The following ADAMTS2 variants were observed in gnomAD, a reference collection of about 807,000 sequenced individuals.
ADAMTS2 encodes the protein A disintegrin and metalloproteinase with thrombospondin motifs 2.
In ADAMTS2, 50 loss-of-function variants were observed where a neutral mutation model predicts 123.0. That is an observed-to-expected ratio of 0.41 (90% CI 0.32 to 0.51). The LOEUF (loss-of-function observed/expected upper bound fraction) is 0.51, where lower values mean the gene tolerates loss of function less well. ADAMTS2 is among the 20% of genes least tolerant of loss of function. The pLI is 0.35. For synonymous variants in ADAMTS2, 678 were observed against 695.4 expected (o/e 0.98, Z 0.39); for missense variants, 1,494 against 1,705.2 (o/e 0.88, Z 2.18).
rs2113512254 is a variant in ADAMTS2 at position 179,272,546 on chromosome 5, C to A, written c.688+365G>T. 6.6e-6 allele frequency among the ~76,000 whole-genome samples: 1 copy of A among 152,322 alleles called. No individual in the cohort carries two copies. The highest frequency in any genetic ancestry group is 1.9e-4 in the East Asian group (1 of 5,172). ...ACAGGCACAGACTCAGAGACGCAGG[C>A]ACTGGACTCAGGCCTGGCCGGGGGC... On this transcript the variant is annotated intron_variant, in intron 3 of 21. Transcript: ENST00000251582. This position sits in a 1 kb window ranked among gnomAD's most constrained non-coding sequence, Gnocchi z 5.8.
At chr5:179,258,162 T>C (rs1453771541) in intron 3 of ADAMTS2, among the ~76,000 whole-genome samples, 1 of 152,180 alleles carries the variant, frequency 6.6e-6, no homozygotes, top group Non-Finnish European at 1.5e-5. Flanking sequence ...TCCAGAGCCC[T>C]CTGCACACGC....
At chr5:179,329,376 C>T (rs1757421487) in intron 2 of ADAMTS2, among the ~76,000 whole-genome samples, 1 of 147,434 alleles carries the variant, frequency 6.8e-6, no homozygotes, top group South Asian at 2.1e-4. Flanking sequence ...AGAAATAAAC[C>T]CCATATCCTC....
rs1431543038 is a variant in ADAMTS2, at chr5:179,170,790, C to T, written c.975+10282G>A. Among the ~76,000 whole-genome samples the T allele has an allele frequency of 6.6e-6, 1 of 152,218 alleles. No individual in the cohort carries two copies. The highest frequency in any genetic ancestry group is 2.4e-5 in the African/African-American group (1 of 41,462). On this transcript the variant is annotated intron_variant, in intron 5 of 21. Transcript: ENST00000251582. This position sits in a 1 kb window ranked among gnomAD's most constrained non-coding sequence, Gnocchi z 4.3. ...TGCCTGGACACAGGGCTCCTCTCCC[C>T]TCCTCGTTCATGCACCTCCCTGGGA...
At chr5:179,324,066 T>C (rs1177348872) in intron 2 of ADAMTS2, among the ~76,000 whole-genome samples, 1 of 152,230 alleles carries the variant, frequency 6.6e-6, no homozygotes, top group Non-Finnish European at 1.5e-5. Context: ...GTGTGATTCA[T>C]TTATACTAAT....
At chr5:179,289,164 G>C (rs1437041243) in intron 2 of ADAMTS2, among the ~76,000 whole-genome samples, 1 of 152,094 alleles carries the variant, frequency 6.6e-6, no homozygotes, top group Non-Finnish European at 1.5e-5. Context: ...GAGACGGCCT[G>C]TCCCACCGCC....
intron 20 of ADAMTS2, 121 bp from the exon 21 acceptor site, chr5:179,121,871 C>T (rs1002158756): frequency 8.0e-6 from 5 of 624,722 alleles, no homozygotes; most frequent in Non-Finnish European, 1.3e-5. Flanking sequence ...CTCGCCTCCC[C>T]GGGCGGACAA....
chr5:179,208,129 G>T (rs1158936002), intron 3 of ADAMTS2, among the ~76,000 whole-genome samples: 2 of 125,288 alleles, frequency 1.6e-5, no homozygotes, highest in Non-Finnish European at 1.9e-5. Context: ...CCTGACGCTG[G>T]AGTGGGCAGA....
intron 3 of ADAMTS2, 91 bp from the exon 4 acceptor site, chr5:179,207,806 A>C: frequency 8.9e-7 from 1 of 1,121,534 alleles, no homozygotes; most frequent in South Asian, 1.3e-5. Flanking sequence ...TCTCATTTAA[A>C]ACTCATAGCA....
intron 2 of ADAMTS2, among the ~76,000 whole-genome samples, chr5:179,274,892 G>A (rs561038273): frequency 4.6e-5 from 7 of 152,344 alleles, no homozygotes; most frequent in South Asian, 2.1e-4. Flanking sequence ...GGATGCCTCC[G>A]GCAGGAGGTG....
At chr5:179,300,821 G>GT (rs1756494883) in intron 2 of ADAMTS2, among the ~76,000 whole-genome samples, 2 of 152,338 alleles carry the variant, frequency 1.3e-5, no homozygotes, top group East Asian at 3.9e-4. Context: ...ACTTAATTCA[G>GT]TAACAGTCTG....
chr5:179,138,010 T>G, intron 11 of ADAMTS2, 66 bp from the exon 12 acceptor site: 1 of 1,518,040 alleles, frequency 6.6e-7, no homozygotes, highest in Admixed American at 2.0e-5. Context: ...CGGGTGCCCT[T>G]GTGAGATCTT....
intron 3 of ADAMTS2, among the ~76,000 whole-genome samples, chr5:179,266,569 A>G (rs1419118610): frequency 2.0e-5 from 3 of 152,268 alleles, no homozygotes; most frequent in Non-Finnish European, 2.9e-5. Context: ...CTAAAATCCT[A>G]TTTCAGAGTT....
rs555318624 is a variant in ADAMTS2 at position 179,164,612 on chromosome 5, C to T, written c.976-5733G>A. ...GTCCGCAGTGCAGGAAACATGGTCA[C>T]GGCAATGTCTTTCCTGGCCAGCTTG... is the stretch of plus-strand genomic sequence containing the variant. On this transcript the variant is annotated intron_variant, in intron 5 of 21. Transcript: ENST00000251582. Among the ~76,000 whole-genome samples, 6 of 152,160 alleles carry T rather than the reference C, an allele frequency of 3.9e-5. No homozygotes were observed. In the East Asian group the frequency reaches 5.8e-4, roughly 15 times the overall value.
At chr5:179,245,778 A>AC (rs1561628393) in intron 3 of ADAMTS2, among the ~76,000 whole-genome samples, 8 of 119,548 alleles carry the variant, frequency 6.7e-5, no homozygotes, top group African/African-American at 1.6e-4. Context: ...AAAAAAAAAA[A>AC]AAAAAAAAAA....
intron 3 of ADAMTS2, among the ~76,000 whole-genome samples, chr5:179,241,609 G>A (rs1765673327): frequency 6.6e-6 from 1 of 152,206 alleles, no homozygotes; most frequent in African/African-American, 2.4e-5. Flanking sequence ...AAAGAGCACA[G>A]CCTTCTTGAA....
intron 5 of ADAMTS2, among the ~76,000 whole-genome samples, chr5:179,167,586 C>G (rs905153396): frequency 2.0e-5 from 3 of 152,152 alleles, no homozygotes; most frequent in African/African-American, 7.2e-5. Context: ...GAACCGCGCC[C>G]GCCCCGCCAG....
rs1764231660 is a variant in ADAMTS2, at chr5:179,188,822, C to G, written c.892-7667G>C. On this transcript the variant is annotated intron_variant, in intron 4 of 21. Transcript: ENST00000251582. This position sits in a 1 kb window ranked among gnomAD's most constrained non-coding sequence, Gnocchi z 5.1. ...GGGCTCCTCCACTTCCAGGCCAGCTCATCAATGCACAGAGCCCAGCAGGGT... is the reference window on the plus strand; with the variant it reads ...GGGCTCCTCCACTTCCAGGCCAGCTGATCAATGCACAGAGCCCAGCAGGGT... Among the ~76,000 whole-genome samples the G allele has an allele frequency of 6.6e-6, 1 of 152,152 alleles. No homozygotes were observed. The highest frequency in any genetic ancestry group is 1.5e-5 in the Non-Finnish European group (1 of 68,032).
intron 2 of ADAMTS2, 69 bp downstream of exon 2, chr5:179,343,698 C>A: frequency 1.3e-6 from 2 of 1,564,164 alleles, no homozygotes; most frequent in Non-Finnish European, 1.7e-6. Context: ...AAGGGACTCC[C>A]AGGTAACCCT....
In ADAMTS2 at chr5:179,125,176, C is replaced by G. The variant is rs1762832645; in HGVS notation, c.2755G>C (p.Val919Leu). 6.2e-7 allele frequency: 1 copy of G among 1,612,318 alleles called. No homozygotes were observed. The highest frequency in any genetic ancestry group is 8.5e-7 in the Non-Finnish European group (1 of 1,179,850). ...CTACATGGCTCCCATTCGCCTGTGACCCACCTGCCAGGGCAGAGCGGGGCA... is the reference window on the plus strand; with the variant it reads ...CTACATGGCTCCCATTCGCCTGTGAGCCACCTGCCAGGGCAGAGCGGGGCA... ...NPQECSQPVW[V>L]TGEWEPCSQT... The change falls in exon 19 of 22, where the codon GTC (valine) becomes CTC (leucine). Residue 919 changes from valine to leucine, a missense_variant. Val to Leu is a conservative substitution (Grantham distance 32). Transcript: ENST00000251582.
Sources: allele counts gnomAD v4.1 joint callset (sites outside exome capture counted in the v4.1 genomes callset), GRCh38; gene constraint gnomAD v4.1.1; non-coding constraint Gnocchi (gnomAD v3.1); transcripts MANE v1.5; gene names NCBI Gene and HGNC (gene_info 2026-07-23, HGNC 2026-07-21).